CDIN1: variants seen among roughly 807,000 people sequenced by gnomAD.
The protein encoded by CDIN1 is CDAN1-interacting nuclease 1.
CDIN1 carries 33 observed loss-of-function variants against 45.3 expected under a neutral mutation model. The ratio of observed to expected loss-of-function variants is 0.73; its 90% CI spans 0.55 to 0.97. The LOEUF (loss-of-function observed/expected upper bound fraction) is 0.97. Among genes scored for constraint, CDIN1 ranks in the 50% least tolerant of loss-of-function variants. The probability of loss-of-function intolerance (pLI) is 0.00; values close to 1 mark genes in which losing one functional copy is unlikely to be tolerated. For synonymous variants in CDIN1, 118 were observed against 124.4 expected, an observed-to-expected ratio of 0.95 and a Z score of 0.34; for missense variants, 303 against 339.4, an observed-to-expected ratio of 0.89 and a Z score of 0.84.
In CDIN1 at chr15:36,606,851, A is replaced by G. The variant is rs573097424; in HGVS notation, c.101+26890A>G. Among the ~76,000 whole-genome samples, 11 of 152,328 alleles carry G rather than the reference A, an allele frequency of 7.2e-5. No homozygotes were observed. The East Asian group carries it at 2.1e-3, about 29-fold the overall frequency. ...TTTAGCTGTGTTCCTGTCAATTACC[A>G]GCAAGCTCTTTTTGTACAATTAGGG... On this transcript the variant is annotated intron_variant, in intron 1 of 10. Transcript: ENST00000566621.
At chr15:36,706,578 A>G (rs2042873423) in intron 8 of CDIN1, 1 of 151,576 alleles carries the variant, frequency 6.6e-6, no homozygotes, top group Non-Finnish European at 1.5e-5. Context: ...GCGCCACTGC[A>G]CTCCCACATG....
chr15:36,808,849 C>G lies in CDIN1; in HGVS notation c.*396C>G. 2.2e-6 allele frequency: 1 copy of G among 448,100 alleles called. No individual in the cohort carries two copies. The highest frequency in any genetic ancestry group is 4.4e-6 in the Non-Finnish European group (1 of 225,010). The allele number at this position is 448,100 out of a possible 1,614,324, so 27.8% of individuals were successfully genotyped here. On this transcript the variant is annotated 3_prime_UTR_variant, in exon 11 of 11. Transcript: ENST00000566621. ...GAATCACCCTCTTATTTTTTTTTCC[C>G]TAAGCCTCCGTTCACTGTCTCTCCC...
At chr15:36,789,715 C>T (rs549441120) in intron 10 of CDIN1, among the ~76,000 whole-genome samples, 27 of 152,278 alleles carry the variant, frequency 1.8e-4, no homozygotes, top group African/African-American at 6.3e-4. Flanking sequence ...CACATGATGT[C>T]CTTCCTCCTC....
At chr15:36,787,560 C>T (rs996471598) in intron 10 of CDIN1, among the ~76,000 whole-genome samples, 1 of 152,010 alleles carries the variant, frequency 6.6e-6, no homozygotes, top group Non-Finnish European at 1.5e-5. Context: ...TCATTGTATC[C>T]AGAACTGTCT....
At chr15:36,625,985 A>G (rs2039406564) in intron 1 of CDIN1, among the ~76,000 whole-genome samples, 1 of 152,108 alleles carries the variant, frequency 6.6e-6, no homozygotes, top group Non-Finnish European at 1.5e-5. Flanking sequence ...AATTTATTCA[A>G]GATGAACTCT....
At chr15:36,658,911 A>G (rs2040881776) in intron 5 of CDIN1, among the ~76,000 whole-genome samples, 1 of 152,166 alleles carries the variant, frequency 6.6e-6, no homozygotes, top group African/African-American at 2.4e-5. Flanking sequence ...TTCCCCTAAA[A>G]ATTCAATATC....
At chr15:36,794,208 G>A (rs951685627) in intron 10 of CDIN1, among the ~76,000 whole-genome samples, 19 of 151,864 alleles carry the variant, frequency 1.3e-4, no homozygotes, top group African/African-American at 3.6e-4. Context: ...ACAGGCGCCC[G>A]CCACCACGCC....
At chr15:36,682,622 G>C (rs1195204166) in intron 5 of CDIN1, among the ~76,000 whole-genome samples, 1 of 149,326 alleles carries the variant, frequency 6.7e-6, no homozygotes, top group Non-Finnish European at 1.5e-5. Flanking sequence ...ACAAAAATTA[G>C]CTGGGGTTGT....
chr15:36,689,705 G>A (rs1284539437), intron 5 of CDIN1, among the ~76,000 whole-genome samples: 1 of 152,092 alleles, frequency 6.6e-6, no homozygotes, highest in African/African-American at 2.4e-5. Context: ...TATTGCTGCT[G>A]TAATCTTTTC....
At chr15:36,609,397 A>G (rs904925524) in intron 1 of CDIN1, among the ~76,000 whole-genome samples, 36 of 152,200 alleles carry the variant, frequency 2.4e-4, no homozygotes, top group Admixed American at 6.5e-5. Flanking sequence ...AAACTTGTAT[A>G]AACCAGTAAA....
chr15:36,624,996 G>A (rs2140325492), intron 1 of CDIN1, among the ~76,000 whole-genome samples: 1 of 152,236 alleles, frequency 6.6e-6, no homozygotes, highest in Non-Finnish European at 1.5e-5. Flanking sequence ...AAGTATATTA[G>A]GCTGGGTGTG....
chr15:36,658,118 C>CCT (rs1184751114), intron 5 of CDIN1: 3 of 452,940 alleles, frequency 6.6e-6, no homozygotes. Flanking sequence ...CCACACTCAA[C>CCT]CTCTCCATTG....
At chr15:36,598,443 A>T (rs1426568123) in intron 1 of CDIN1, among the ~76,000 whole-genome samples, 2 of 152,244 alleles carry the variant, frequency 1.3e-5, no homozygotes, top group Non-Finnish European at 2.9e-5. Context: ...TCTCCCAGAC[A>T]TGATCAGGCC....
chr15:36,744,325 A>T (rs536760315), intron 10 of CDIN1, among the ~76,000 whole-genome samples: 1 of 152,318 alleles, frequency 6.6e-6, no homozygotes, highest in South Asian at 2.1e-4. Flanking sequence ...TTCATTAAGA[A>T]GCCAGAGGAT....
intron 1 of CDIN1, among the ~76,000 whole-genome samples, 164 bp from the exon 2 acceptor site, chr15:36,644,114 A>G (rs2040216895): frequency 6.6e-6 from 1 of 152,200 alleles, no homozygotes; most frequent in Admixed American, 6.5e-5. Context: ...ACCCAGCGGC[A>G]GGAAGCCTTT....
intron 10 of CDIN1, among the ~76,000 whole-genome samples, chr15:36,774,163 T>TGTGTGTGTGTGTGCGC (rs149222188): frequency 3.5e-5 from 5 of 143,070 alleles, no homozygotes; most frequent in South Asian, 2.2e-4. Context: ...TGTGTGTGTG[T>TGTGTGTGTGTGTGCGC]GCGCGCGCGC....
At chr15:36,643,806 A>G (rs1480550041) in intron 1 of CDIN1, among the ~76,000 whole-genome samples, 1 of 152,218 alleles carries the variant, frequency 6.6e-6, no homozygotes, top group Non-Finnish European at 1.5e-5. Context: ...TACTTCTAGT[A>G]AAGACCAAAG....
At chr15:36,803,482 A>G (rs1017926035) in intron 10 of CDIN1, among the ~76,000 whole-genome samples, 2 of 152,092 alleles carry the variant, frequency 1.3e-5, no homozygotes, top group Non-Finnish European at 2.9e-5. Flanking sequence ...TTTTGTGTAA[A>G]CATTCCCAAT....
At chr15:36,634,168 C>T (rs895315498) in intron 1 of CDIN1, among the ~76,000 whole-genome samples, 5 of 152,238 alleles carry the variant, frequency 3.3e-5, no homozygotes, top group African/African-American at 4.8e-5. Flanking sequence ...TGGTGACTCA[C>T]GCCTGTAATC....
Sources: allele counts gnomAD v4.1 joint callset (sites outside exome capture counted in the v4.1 genomes callset), GRCh38; gene constraint gnomAD v4.1.1; transcripts MANE v1.5; gene names NCBI Gene and HGNC (gene_info 2026-07-23, HGNC 2026-07-21).